Variants in ITGB4 observed in about 807,000 individuals in gnomAD.
ITGB4 encodes the protein integrin beta-4.
In ITGB4, 159 loss-of-function variants were observed where a neutral mutation model predicts 207.6. The ratio of observed to expected loss-of-function variants is 0.77; its 90% CI spans 0.67 to 0.87. The LOEUF is 0.87. Among genes scored for constraint, ITGB4 ranks in the 40% least tolerant of loss-of-function variants. The pLI is 0.00. For missense variants in ITGB4, 2,278 were observed against 2,546.8 expected, an observed-to-expected ratio of 0.89 and a Z score of 2.27; for synonymous variants, 1,020 against 1,062.7, an observed-to-expected ratio of 0.96 and a Z score of 0.78.
chr17:75,754,973 T>TGTACACAGACATGCATGCGCACAC, intron 34 of ITGB4, 158 bp downstream of exon 34: 1 of 1,534,208 alleles, frequency 6.5e-7, no homozygotes, highest in Non-Finnish European at 8.9e-7. Context: ...CATGCACACA[T>TGTACACAGACATGCATGCGCACAC]GTACACAGAC....
Position 75,756,832 on chromosome 17 carries a change from G to C in ITGB4, c.5026G>C (p.Val1676Leu). Residue 1676 changes from valine to leucine, a missense_variant, in exon 37 of 40, where the codon GTG (valine) becomes CTG (leucine). Transcript: ENST00000200181. ...CAATGGGGATATCGTCGGCTACCTG[G>C]TGACCTGTGAGATGGCCCAAGGAGG... ...RPNGDIVGYL[V>L]TCEMAQGGGP... The C allele has an allele frequency of 6.2e-7, 1 of 1,612,424 alleles. No individual in the cohort carries two copies. Among genetic ancestry groups the C allele is most frequent in the Non-Finnish European group, 8.5e-7 (1 of 1,179,990 alleles).
intron 6 of ITGB4, among the ~76,000 whole-genome samples, chr17:75,728,963 G>A (rs1159049137): frequency 2.9e-5 from 4 of 138,372 alleles, no homozygotes; most frequent in Non-Finnish European, 4.6e-5. Context: ...CAGCCTGGGC[G>A]ACAGAATGAG....
intron 23 of ITGB4, among the ~76,000 whole-genome samples, chr17:75,741,909 G>A (rs1198780968): frequency 5.3e-5 from 8 of 152,084 alleles, no homozygotes; most frequent in African/African-American, 1.9e-4. Context: ...CAACCCTCTC[G>A]TCAAGCCTGT....
intron 1 of ITGB4, among the ~76,000 whole-genome samples, chr17:75,724,392 T>C (rs558304054): frequency 6.6e-6 from 1 of 152,310 alleles, no homozygotes; most frequent in South Asian, 2.1e-4. Flanking sequence ...TAAACCCACA[T>C]CTGCCCTCAG....
In ITGB4 at chr17:75,740,403, ACCTGCTGAAG is replaced by A; in HGVS notation, c.2497_2506del (p.Leu833ThrfsTer16). 1 of 1,613,760 alleles carries A rather than the reference ACCTGCTGAAG, an allele frequency of 6.2e-7. No individual in the cohort carries two copies. Among genetic ancestry groups the A allele is most frequent in the Admixed American group, 1.7e-5 (1 of 60,006 alleles). Reference sequence around the variant, plus strand: ...CGCCTGGCCCGCCTTTGCACCGAGAACCTGCTGAAGCCTGACACTCGGGAGTGCGCCCAGC... The same window carrying A: ...CGCCTGGCCCGCCTTTGCACCGAGAACCTGACACTCGGGAGTGCGCCCAGC... On this transcript the variant is annotated frameshift_variant, in exon 21 of 40. Coordinates refer to ENST00000200181, the MANE Select transcript of ITGB4 (RefSeq NM_000213.5). LOFTEE classifies it high-confidence loss of function. The surrounding 1 kb of genome is among the most constrained non-coding windows in gnomAD (Gnocchi z 5.9).
At chr17:75,748,736 A>C (rs1308046087) in intron 26 of ITGB4, 105 bp from the exon 27 acceptor site, 5 of 791,750 alleles carry the variant, frequency 6.3e-6, no homozygotes, top group Non-Finnish European at 1.0e-5. Context: ...CCCAGCAAGC[A>C]GGGATGGTCT....
At chr17:75,724,669 T>C (rs1322691455) in intron 1 of ITGB4, 25 bp from the exon 2 acceptor site, 6 of 1,541,850 alleles carry the variant, frequency 3.9e-6, no homozygotes, top group East Asian at 2.2e-5. Flanking sequence ...GGAGGCCTCA[T>C]GTGTCAATTG....
intron 2 of ITGB4, among the ~76,000 whole-genome samples, chr17:75,726,018 T>C (rs1304799741): frequency 1.3e-5 from 2 of 152,228 alleles, no homozygotes; most frequent in Non-Finnish European, 2.9e-5. Context: ...GGCCAGGGTG[T>C]GCCAGCACCG....
chr17:75,727,903 TG>T lies in ITGB4; in HGVS notation c.469+51del. On this transcript the variant is annotated intron_variant, in intron 5 of 39. Transcript: ENST00000200181. This position sits in a 1 kb window ranked among gnomAD's most constrained non-coding sequence, Gnocchi z 6.0. ...GACAGCAGGGCAGGAGGGGGACAGG[TG>T]GGCGTCTGCTTGGGAGGCCAGGACT... 1 of 1,576,244 alleles carries T rather than the reference TG, an allele frequency of 6.3e-7. No homozygotes were observed. The highest frequency in any genetic ancestry group is 2.0e-4 in the Middle Eastern group (1 of 4,986).
Position 75,732,145 on chromosome 17 carries a change from T to C in ITGB4, c.1378-18T>C, listed in dbSNP as rs373717293. On this transcript the variant is annotated intron_variant, in intron 11 of 39. Transcript: ENST00000200181. This position sits in a 1 kb window ranked among gnomAD's most constrained non-coding sequence, Gnocchi z 5.3. The stretch of plus-strand genomic sequence containing the variant: ...CCTGCTCCCCCGACGCACCCCACCA[T>C]GGTCTCTCTCATTCCAGCAAAAAGA... The C allele has an allele frequency of 3.7e-5, 60 of 1,613,744 alleles. No homozygotes were observed. In the Middle Eastern group the frequency reaches 4.9e-4, roughly 13 times the overall value.
chr17:75,748,978 C>T lies in ITGB4; in HGVS notation c.3249C>T (p.Leu1083=), dbSNP rs776165361. Residue 1083 remains leucine, a synonymous_variant, in exon 27 of 40, where the codon CTC becomes CTT. Transcript: ENST00000200181. The part of the protein sequence containing the change: ...GRQVRRFHVQ[L]SNPKFGAHLG... ...AGGTCCGCCGTTTCCACGTCCAGCT[C>T]AGCAACCCTAAGTTTGGGGCCCACC... The T allele has an allele frequency of 4.3e-6, 7 of 1,613,442 alleles. No individual in the cohort carries two copies. The South Asian group carries it at 7.7e-5, about 18-fold the overall frequency.
At chr17:75,752,081 C>T in intron 30 of ITGB4, 93 bp from the exon 31 acceptor site, 1 of 1,377,154 alleles carries the variant, frequency 7.3e-7, no homozygotes, top group Admixed American at 1.7e-5. Flanking sequence ...TGGGTGCCAT[C>T]CAGGGGATGC....
rs113718242 is a variant in ITGB4 at position 75,736,824 on chromosome 17, C to T, written c.1990+130C>T. The T allele has an allele frequency of 1.5e-5, 16 of 1,053,140 alleles. 1 individual carries two copies. In the African/African-American group the frequency reaches 1.7e-4, roughly 11 times the overall value. 65.2% of individuals were successfully genotyped at this position (1,053,140 alleles called of 1,614,324 possible). A position where few individuals can be genotyped will look rare whatever the true frequency, so the allele number is the denominator to read the frequency against. Reference sequence around the variant, plus strand: ...GGTCACACAGTCCGGACAGGAACTCCAGAGCTGGGAGGGACCACAGAACCC... The same window carrying T: ...GGTCACACAGTCCGGACAGGAACTCTAGAGCTGGGAGGGACCACAGAACCC... On this transcript the variant is annotated intron_variant, in intron 16 of 39. Transcript: ENST00000200181.
chr17:75,751,488 TAA>T (rs922324065), intron 30 of ITGB4: 59 of 321,632 alleles, frequency 1.8e-4, no homozygotes, highest in African/African-American at 1.2e-3. Flanking sequence ...GATAGCACTT[TAA>T]AAGATTATTT....
chr17:75,729,212 G>A lies in ITGB4; in HGVS notation c.567-53G>A. 6.3e-7 allele frequency: 1 copy of A among 1,577,602 alleles called. No individual in the cohort carries two copies. On this transcript the variant is annotated intron_variant, in intron 6 of 39. Coordinates refer to ENST00000200181, the MANE Select transcript of ITGB4 (RefSeq NM_000213.5). This position sits in a 1 kb window ranked among gnomAD's most constrained non-coding sequence, Gnocchi z 4.4. ...GTTGAAACGAGCCAGGGGCACTGGGGTCTGCGGCGTCTTCCCCCTGTGACA... is the reference window on the plus strand; with the variant it reads ...GTTGAAACGAGCCAGGGGCACTGGGATCTGCGGCGTCTTCCCCCTGTGACA...
chr17:75,756,326 G>A (rs753850733), intron 35 of ITGB4, 103 bp from the exon 36 acceptor site: 3 of 1,279,126 alleles, frequency 2.3e-6, no homozygotes, highest in Non-Finnish European at 3.4e-6. Flanking sequence ...CTAGTCCTGG[G>A]TGGGTGATAA....
rs1380787702 is a variant in ITGB4, at chr17:75,740,166, G to A, written c.2446+95G>A. 1.4e-6 allele frequency: 2 copies of A among 1,389,458 alleles called. No individual in the cohort carries two copies. The highest frequency in any genetic ancestry group is 1.4e-5 in the African/African-American group (1 of 70,204). The allele number at this position is 1,389,458 out of a possible 1,614,324, so 86.1% of individuals were successfully genotyped here. ...ACAGCATGCCTCTTCTCTGGGTGTGGGGTGCAGGCACAGGGCTCAGCCACC... is the reference window on the plus strand; with the variant it reads ...ACAGCATGCCTCTTCTCTGGGTGTGAGGTGCAGGCACAGGGCTCAGCCACC... On this transcript the variant is annotated intron_variant, in intron 20 of 39. Transcript: ENST00000200181. This position sits in a 1 kb window ranked among gnomAD's most constrained non-coding sequence, Gnocchi z 5.9.
rs764799295 is a variant in ITGB4, at chr17:75,748,992, T to C, written c.3263T>C (p.Phe1088Ser). ...RFHVQLSNPK[F>S]GAHLGQPHST... ...CACGTCCAGCTCAGCAACCCTAAGTTTGGGGCCCACCTGGGCCAGCCCCAC... is the reference window on the plus strand; with the variant it reads ...CACGTCCAGCTCAGCAACCCTAAGTCTGGGGCCCACCTGGGCCAGCCCCAC... Residue 1088 changes from phenylalanine (F) to serine (S), a missense_variant, in exon 27 of 40, where the codon TTT (phenylalanine) becomes TCT (serine). Phe to Ser is a radical substitution (Grantham distance 155). Transcript: ENST00000200181. 6.2e-7 allele frequency: 1 copy of C among 1,613,158 alleles called. No homozygotes were observed. The highest frequency in any genetic ancestry group is 1.1e-5 in the South Asian group (1 of 91,062).
Position 75,739,745 on chromosome 17 carries a change from T to C in ITGB4, c.2254+40T>C. 6.2e-7 allele frequency: 1 copy of C among 1,613,596 alleles called. No homozygotes were observed. Among genetic ancestry groups the C allele is most frequent in the Non-Finnish European group, 8.5e-7 (1 of 1,179,532 alleles). ...TCGCAGGGGCAGCAGGGGCTCTGAC[T>C]GCTCTTTCTCTGAGCTGGGGTGGAG... On this transcript the variant is annotated intron_variant, in intron 19 of 39. Coordinates refer to ENST00000200181, the MANE Select transcript of ITGB4 (RefSeq NM_000213.5). This position sits in a 1 kb window ranked among gnomAD's most constrained non-coding sequence, Gnocchi z 5.4.
Sources: gnomAD v4.1 joint callset for allele counts (sites outside exome capture counted in the v4.1 genomes callset) on GRCh38, gnomAD v4.1.1 for gene constraint, Gnocchi (gnomAD v3.1) non-coding constraint, MANE v1.5 for transcripts, NCBI Gene and HGNC (gene_info 2026-07-23, HGNC 2026-07-21) for gene names.